Variants in COL28A1 observed in about 807,000 individuals in gnomAD.
The protein encoded by COL28A1 is collagen alpha-1(XXVIII) chain.
Under a neutral mutation model 150.2 loss-of-function variants are expected in COL28A1, and 161 were observed. That is an observed-to-expected ratio of 1.07 (90% confidence interval 0.94 to 1.22). The LOEUF (loss-of-function observed/expected upper bound fraction) is 1.22, where lower values mean the gene tolerates loss of function less well. COL28A1 is among the 50% of genes most tolerant of loss of function. The probability of loss-of-function intolerance (pLI) is 0.00; values close to 1 mark genes in which losing one functional copy is unlikely to be tolerated. For missense variants in COL28A1, 1,617 were observed against 1,388.3 expected (o/e 1.16, Z -2.62); for synonymous variants, 552 against 469.7 (o/e 1.18, Z -2.26).
the COL28A1 span, among the ~76,000 whole-genome samples, chr7:7,350,673 T>A: frequency 1.1e-5 from 1 of 93,294 alleles, no homozygotes; most frequent in African/African-American, 3.2e-5. Flanking sequence ...TTTTTTTTTT[T>A]TAAAACCGCT....
chr7:7,475,510 G>A (rs928968586), intron 14 of COL28A1, among the ~76,000 whole-genome samples: 19 of 152,156 alleles, frequency 1.2e-4, no homozygotes, highest in African/African-American at 4.3e-4. Context: ...TGATGAGATA[G>A]AGGTCAATGC....
chr7:7,342,441 TAC>T, the COL28A1 span, among the ~76,000 whole-genome samples: 1 of 152,102 alleles, frequency 6.6e-6, no homozygotes, highest in Non-Finnish European at 1.5e-5. Flanking sequence ...TAATTATGAA[TAC>T]GTTTTGGTTT....
chr7:7,387,054 G>GACCT (rs1782227648), intron 27 of COL28A1, among the ~76,000 whole-genome samples: 1 of 152,072 alleles, frequency 6.6e-6, no homozygotes, highest in South Asian at 2.1e-4. Context: ...GGACAGAGGT[G>GACCT]ACCTAATCAC....
At chr7:7,401,519 T>C (rs934210696) in intron 27 of COL28A1, among the ~76,000 whole-genome samples, 2 of 152,148 alleles carry the variant, frequency 1.3e-5, no homozygotes, top group African/African-American at 2.4e-5. Flanking sequence ...TCCTATTATA[T>C]AGAGTCTCCC....
At chr7:7,493,732 T>C (rs1780049757) in intron 11 of COL28A1, among the ~76,000 whole-genome samples, 1 of 152,108 alleles carries the variant, frequency 6.6e-6, no homozygotes, top group Non-Finnish European at 1.5e-5. Context: ...CTCTAAAATA[T>C]GCTGTCTGGG....
intron 18 of COL28A1, among the ~76,000 whole-genome samples, chr7:7,446,206 AATG>A (rs1329571589): frequency 6.6e-6 from 1 of 152,196 alleles, no homozygotes; most frequent in Non-Finnish European, 1.5e-5. Context: ...TTCTAATAGG[AATG>A]ATGAGAAAAA....
intron 11 of COL28A1, among the ~76,000 whole-genome samples, chr7:7,500,879 T>C (rs1268287423): frequency 6.6e-6 from 1 of 152,120 alleles, no homozygotes; most frequent in Non-Finnish European, 1.5e-5. Flanking sequence ...AAAACTGTGG[T>C]GTGGTGCAAG....
At chr7:7,429,426 T>TCTCTCTCTCACACA (rs1554270137) in intron 25 of COL28A1, among the ~76,000 whole-genome samples, 2 of 119,308 alleles carry the variant, frequency 1.7e-5, no homozygotes, top group Admixed American at 8.8e-5. Flanking sequence ...TCTCTCTCTC[T>TCTCTCTCTCACACA]CACATACACA....
intron 25 of COL28A1, among the ~76,000 whole-genome samples, chr7:7,421,287 AG>A (rs1784379626): frequency 6.6e-6 from 1 of 152,224 alleles, no homozygotes; most frequent in African/African-American, 2.4e-5. Context: ...AGTCACTGCC[AG>A]GGGCCAGGGA....
chr7:7,423,264 T>C (rs1422016938), intron 25 of COL28A1, among the ~76,000 whole-genome samples: 1 of 152,198 alleles, frequency 6.6e-6, no homozygotes, highest in Non-Finnish European at 1.5e-5. Context: ...TGTTGATAAT[T>C]GTTAAGGAAG....
intron 26 of COL28A1, 95 bp downstream of exon 26, chr7:7,419,789 CA>C: frequency 1.5e-6 from 1 of 687,496 alleles, no homozygotes; most frequent in Non-Finnish European, 2.2e-6. Context: ...AAAAATAAGT[CA>C]ACACCAAGAC....
At chr7:7,477,923 C>T (rs139068674) in intron 13 of COL28A1, among the ~76,000 whole-genome samples, 1,921 of 152,288 alleles carry the variant, frequency 0.013, 19 homozygotes, top group Non-Finnish European at 0.02. Flanking sequence ...TGACAGGGTG[C>T]TGATTGGTGC....
chr7:7,496,218 A>G (rs1780200881), intron 11 of COL28A1, among the ~76,000 whole-genome samples: 1 of 152,112 alleles, frequency 6.6e-6, no homozygotes, highest in African/African-American at 2.4e-5. Context: ...AATGTTCTCC[A>G]TCTCCTCCCC....
At chr7:7,429,853 G>A in intron 25 of COL28A1, among the ~76,000 whole-genome samples, 1 of 152,272 alleles carries the variant, frequency 6.6e-6, no homozygotes. Context: ...ACCATGGACT[G>A]CCGCTTCCAC....
intron 33 of COL28A1, among the ~76,000 whole-genome samples, chr7:7,368,965 C>T (rs1217593978): frequency 6.6e-6 from 1 of 152,202 alleles, no homozygotes; most frequent in East Asian, 1.9e-4. Flanking sequence ...GAGCTTCTCT[C>T]AGGCAGGAGC....
Position 7,373,265 on chromosome 7 carries a change from G to A in COL28A1, c.2641C>T (p.Leu881=). Residue 881 remains leucine, a synonymous_variant, in exon 32 of 35, where the codon CTG becomes TTG. Coordinates refer to ENST00000399429, the MANE Select transcript of COL28A1 (RefSeq NM_001037763.3). This position sits in a 1 kb window ranked among gnomAD's most constrained non-coding sequence, Gnocchi z 4.1. ...LGEGTYTATA[L]QAANDMFEDA... ...TCAAACATGTCGTTGGCTGCTTGCA[G>A]AGCAGTGGCTGTGTATGTGCCTTCC... The A allele has an allele frequency of 6.2e-7, 1 of 1,614,162 alleles. No individual in the cohort carries two copies. The highest frequency in any genetic ancestry group is 8.5e-7 in the Non-Finnish European group (1 of 1,180,038).
intron 25 of COL28A1, chr7:7,431,272 G>T: frequency 4.8e-6 from 1 of 208,662 alleles, no homozygotes. Flanking sequence ...AAGTTGTAGA[G>T]CTCCTACTGA....
At chr7:7,396,451 A>C (rs1188531022) in intron 27 of COL28A1, among the ~76,000 whole-genome samples, 2 of 151,852 alleles carry the variant, frequency 1.3e-5, no homozygotes, top group Non-Finnish European at 2.9e-5. Context: ...GTAGAGCAGA[A>C]GCCAGGCAGT....
intron 16 of COL28A1, 85 bp from the exon 17 acceptor site, chr7:7,453,593 T>TA: frequency 1.3e-6 from 1 of 749,662 alleles, no homozygotes; most frequent in Non-Finnish European, 2.3e-6. Context: ...TCATACCCCA[T>TA]AATAAGTTAC....
Sources: allele counts gnomAD v4.1 joint callset (sites outside exome capture counted in the v4.1 genomes callset), GRCh38; gene constraint gnomAD v4.1.1; non-coding constraint Gnocchi (gnomAD v3.1); transcripts MANE v1.5; gene names NCBI Gene and HGNC (gene_info 2026-07-23, HGNC 2026-07-21).